XRCC5: variants seen among roughly 807,000 people sequenced by gnomAD.
XRCC5 encodes X-ray repair cross complementing 5.
A neutral mutation model predicts 95.7 loss-of-function variants in XRCC5; 12 were observed. The ratio of observed to expected loss-of-function variants is 0.13; its 90% CI spans 0.08 to 0.20. The LOEUF (loss-of-function observed/expected upper bound fraction) is 0.20. Ranked by LOEUF, XRCC5 falls within the 10% of genes least tolerant of loss-of-function variation. The probability of loss-of-function intolerance (pLI) is 1.00; values close to 1 mark genes in which losing one functional copy is unlikely to be tolerated. For synonymous variants in XRCC5, 281 were observed against 290.3 expected, an observed-to-expected ratio of 0.97 and a Z score of 0.33; for missense variants, 595 against 873.9, an observed-to-expected ratio of 0.68 and a Z score of 4.02.
At chr2:216,135,048 T>C (rs1697051029) in intron 10 of XRCC5, among the ~76,000 whole-genome samples, 1 of 152,228 alleles carries the variant, frequency 6.6e-6, no homozygotes, top group African/African-American at 2.4e-5. Flanking sequence ...GATTCTGTTA[T>C]GAAATCTGTA....
intron 1 of XRCC5, among the ~76,000 whole-genome samples, chr2:216,112,001 A>G (rs1696598747): frequency 6.6e-6 from 1 of 152,194 alleles, no homozygotes; most frequent in Non-Finnish European, 1.5e-5. Context: ...TAGGCGATGA[A>G]GTAAGATAGG....
chr2:216,116,321 C>T (rs1483810871), intron 2 of XRCC5, among the ~76,000 whole-genome samples: 1 of 151,944 alleles, frequency 6.6e-6, no homozygotes, highest in Non-Finnish European at 1.5e-5. Flanking sequence ...TCCATAAAGA[C>T]ATACTAAAAT....
At chr2:216,135,419 G>A (rs965894114) in intron 10 of XRCC5, among the ~76,000 whole-genome samples, 1 of 152,184 alleles carries the variant, frequency 6.6e-6, no homozygotes, top group Non-Finnish European at 1.5e-5. Context: ...ATAGAGGAAC[G>A]ACTGGAAGGG....
intron 2 of XRCC5, among the ~76,000 whole-genome samples, chr2:216,115,255 C>T (rs1480179683): frequency 6.6e-6 from 1 of 152,144 alleles, no homozygotes. Flanking sequence ...TGCCGACTTA[C>T]ACCCCAGTAA....
At chr2:216,163,940 CT>C (rs1211576816) in intron 16 of XRCC5, among the ~76,000 whole-genome samples, 1 of 152,178 alleles carries the variant, frequency 6.6e-6, no homozygotes, top group East Asian at 1.9e-4. Context: ...AGGAGAAAAA[CT>C]TTGAGTTTTA....
At chr2:216,166,432 T>C (rs1689055293) in intron 16 of XRCC5, among the ~76,000 whole-genome samples, 1 of 152,096 alleles carries the variant, frequency 6.6e-6, no homozygotes, top group Non-Finnish European at 1.5e-5. Context: ...CAGAAAAAAT[T>C]TTGACCACAG....
Position 216,148,125 on chromosome 2 carries a change from C to G in XRCC5, c.1519C>G (p.Pro507Ala), listed in dbSNP as rs61752201. 1.1e-5 allele frequency: 18 copies of G among 1,613,682 alleles called. No homozygotes were observed. The highest frequency in any genetic ancestry group is 5.0e-5 in the Admixed American group (3 of 59,910). ...RALHPREPLP[P>A]IQQHIWNMLN... The stretch of plus-strand genomic sequence containing the variant: ...TTTACATCCCCGGGAGCCTCTACCC[C>G]CAATTCAGCAGCATATTTGGAATAT... The change falls in exon 14 of 21, where the codon CCA (proline) becomes GCA (alanine). Residue 507 changes from proline to alanine, a missense_variant. Coordinates refer to ENST00000392132, the MANE Select transcript of XRCC5 (RefSeq NM_021141.4).
rs146520624 is a variant in XRCC5, at chr2:216,168,443, C to T, written c.1834+6395C>T. 4.6e-5 allele frequency among the ~76,000 whole-genome samples: 7 copies of T among 152,266 alleles called. No individual in the cohort carries two copies. The South Asian group carries it at 8.3e-4, about 18-fold the overall frequency. ...AAAAGAAAAAATAAAAAGCACATGA[C>T]GTAGAAACTAAAGACCATTATGCAC... On this transcript the variant is annotated intron_variant, in intron 16 of 20. Transcript: ENST00000392132.
intron 12 of XRCC5, among the ~76,000 whole-genome samples, chr2:216,140,488 T>G (rs1172357893): frequency 5.9e-5 from 9 of 152,150 alleles, no homozygotes; most frequent in Non-Finnish European, 1.3e-4. Context: ...ATTGACTGAG[T>G]AGATTTTTAT....
intron 16 of XRCC5, among the ~76,000 whole-genome samples, chr2:216,178,026 C>T (rs2106038274): frequency 6.6e-6 from 1 of 152,200 alleles, no homozygotes; most frequent in East Asian, 1.9e-4. Context: ...TTCACCACTG[C>T]TCTTTAAGTA....
At chr2:216,176,739 C>T (rs1475444501) in intron 16 of XRCC5, among the ~76,000 whole-genome samples, 1 of 150,748 alleles carries the variant, frequency 6.6e-6, no homozygotes, top group African/African-American at 2.5e-5. Context: ...TCCATTCCTT[C>T]TTCTTACTTT....
chr2:216,196,545 T>A (rs1689724771), intron 19 of XRCC5, among the ~76,000 whole-genome samples: 1 of 152,070 alleles, frequency 6.6e-6, no homozygotes, highest in South Asian at 2.1e-4. Flanking sequence ...CACACACATA[T>A]ATATAGAGAG....
chr2:216,174,392 T>C (rs1330540291), intron 16 of XRCC5, among the ~76,000 whole-genome samples: 1 of 152,238 alleles, frequency 6.6e-6, no homozygotes, highest in Non-Finnish European at 1.5e-5. Context: ...TAGTTAACTT[T>C]AGCAAAATTT....
chr2:216,151,825 C>T (rs1428553885), intron 14 of XRCC5, among the ~76,000 whole-genome samples: 3 of 152,132 alleles, frequency 2.0e-5, no homozygotes, highest in Non-Finnish European at 4.4e-5. Context: ...TAGCATCACT[C>T]ATGCTGCTAT....
chr2:216,124,559 A>C (rs950112993), intron 6 of XRCC5, among the ~76,000 whole-genome samples: 19 of 152,200 alleles, frequency 1.2e-4, no homozygotes, highest in Non-Finnish European at 2.4e-4. Flanking sequence ...AGACCCATTC[A>C]TTCCTCAGCA....
chr2:216,150,508 A>G (rs1273985127), intron 14 of XRCC5, among the ~76,000 whole-genome samples: 2 of 152,234 alleles, frequency 1.3e-5, no homozygotes. Context: ...AATCTACTAC[A>G]CATCTAGGCT....
At chr2:216,174,929 CG>C in intron 16 of XRCC5, 1 of 353,058 alleles carries the variant, frequency 2.8e-6, no homozygotes, top group Non-Finnish European at 5.5e-6. Flanking sequence ...TCACGTCTAC[CG>C]CCAGATCCGT....
At chr2:216,128,383 C>T (rs1240534700) in intron 8 of XRCC5, among the ~76,000 whole-genome samples, 4 of 152,296 alleles carry the variant, frequency 2.6e-5, no homozygotes, top group African/African-American at 4.8e-5. Flanking sequence ...TCCTCTGTGA[C>T]ACTGTATTTC....
intron 19 of XRCC5, 102 bp from the exon 20 acceptor site, chr2:216,204,220 C>A: frequency 7.4e-7 from 1 of 1,344,710 alleles, no homozygotes; most frequent in South Asian, 1.2e-5. Context: ...GACTGCTAAG[C>A]AGGCTGCCTT....
Sources: allele counts gnomAD v4.1 joint callset (sites outside exome capture counted in the v4.1 genomes callset), GRCh38; gene constraint gnomAD v4.1.1; transcripts MANE v1.5; gene names NCBI Gene and HGNC (gene_info 2026-07-23, HGNC 2026-07-21).